Variants in CACNB2 observed in about 807,000 individuals in gnomAD.
The protein encoded by CACNB2 is voltage-dependent L-type calcium channel subunit beta-2.
Under a neutral mutation model 73.3 loss-of-function variants are expected in CACNB2, and 42 were observed. That is an observed-to-expected ratio of 0.57 (90% CI 0.45 to 0.74). The LOEUF (loss-of-function observed/expected upper bound fraction) is 0.74. CACNB2 is among the 30% of genes least tolerant of loss of function. The pLI is 0.00. For synonymous variants in CACNB2, 348 were observed against 310.3 expected, an observed-to-expected ratio of 1.12 and a Z score of -1.28; for missense variants, 940 against 853.0, an observed-to-expected ratio of 1.10 and a Z score of -1.27.
intron 2 of CACNB2, among the ~76,000 whole-genome samples, chr10:18,377,327 G>A (rs1214581766): frequency 3.9e-5 from 6 of 152,180 alleles, no homozygotes. Context: ...ACCAATATGT[G>A]TATTGACATC....
At chr10:18,265,581 A>G (rs1469813950) in intron 2 of CACNB2, among the ~76,000 whole-genome samples, 2 of 152,202 alleles carry the variant, frequency 1.3e-5, no homozygotes, top group South Asian at 4.1e-4. Context: ...TTAAAGACAA[A>G]TGTTACTGAC....
chr10:18,494,631 C>CAA lies in CACNB2; in HGVS notation c.334-3707_334-3706dup, dbSNP rs909672661. ...TGGGTGACAGAGTGAGACTCCGTCT[C>CAA]AAAAAAAAAAAAAAAAAAGAAAAGA... On this transcript the variant is annotated intron_variant, in intron 3 of 13. Coordinates refer to ENST00000324631, the MANE Select transcript of CACNB2 (RefSeq NM_201596.3). Among the ~76,000 whole-genome samples the CAA allele has an allele frequency of 1.2e-3, 71 of 61,724 alleles. 3 individuals carry two copies. The highest frequency in any genetic ancestry group is 6.8e-3 in the East Asian group (14 of 2,064). The allele number at this position is 61,724 out of a possible 152,430, so 40.5% of individuals were successfully genotyped here.
chr10:18,318,545 C>G (rs2040278847), intron 2 of CACNB2, among the ~76,000 whole-genome samples: 1 of 152,082 alleles, frequency 6.6e-6, no homozygotes, highest in Non-Finnish European at 1.5e-5. Context: ...TATGTATGGG[C>G]AAAGACTTTA....
At chr10:18,269,700 T>G (rs970423573) in intron 2 of CACNB2, among the ~76,000 whole-genome samples, 16 of 152,238 alleles carry the variant, frequency 1.1e-4, no homozygotes, top group African/African-American at 3.9e-4. Flanking sequence ...CTCCAGGCAC[T>G]GTAAACATGG....
chr10:18,400,951 T>C (rs1351958823), intron 2 of CACNB2: 29 of 1,606,846 alleles, frequency 1.8e-5, no homozygotes, highest in Non-Finnish European at 2.4e-5. Flanking sequence ...GGAAAGGAGC[T>C]GGGGTTCTCC....
chr10:18,469,112 G>A (rs1050757389), intron 3 of CACNB2, among the ~76,000 whole-genome samples: 12 of 152,126 alleles, frequency 7.9e-5, no homozygotes, highest in African/African-American at 2.2e-4. Context: ...AATCAGCCAT[G>A]CATGGTGGTC....
intron 2 of CACNB2, among the ~76,000 whole-genome samples, chr10:18,340,192 G>A (rs1228114654): frequency 6.6e-6 from 1 of 152,038 alleles, no homozygotes; most frequent in Non-Finnish European, 1.5e-5. Flanking sequence ...TGTGTGTGTT[G>A]CAAGCATGCT....
At chr10:18,531,289 G>T (rs1457205619) in intron 10 of CACNB2, among the ~76,000 whole-genome samples, 1 of 151,992 alleles carries the variant, frequency 6.6e-6, no homozygotes, top group Non-Finnish European at 1.5e-5. Flanking sequence ...CTATCACCCA[G>T]GTATTAAGAC....
intron 2 of CACNB2, among the ~76,000 whole-genome samples, chr10:18,397,983 A>G (rs975031945): frequency 6.6e-6 from 1 of 152,188 alleles, no homozygotes; most frequent in African/African-American, 2.4e-5. Flanking sequence ...TGACAAGGAC[A>G]AATACTGCAA....
At chr10:18,505,263 C>A (rs2050427152) in intron 5 of CACNB2, among the ~76,000 whole-genome samples, 1 of 150,822 alleles carries the variant, frequency 6.6e-6, no homozygotes, top group Non-Finnish European at 1.5e-5. Flanking sequence ...AAAAAAACTT[C>A]TGGGGAAAAA....
At chr10:18,378,111 T>C (rs2132342115) in intron 2 of CACNB2, among the ~76,000 whole-genome samples, 1 of 152,228 alleles carries the variant, frequency 6.6e-6, no homozygotes, top group East Asian at 1.9e-4. Context: ...GGTGTGGGCC[T>C]GGAGGCTAGG....
rs536574925 is a variant in CACNB2 at position 18,255,134 on chromosome 10, T to C, written c.213+104159T>C. Among the ~76,000 whole-genome samples, 9 of 152,344 alleles carry C rather than the reference T, an allele frequency of 5.9e-5. No individual in the cohort carries two copies. The South Asian group carries it at 1.2e-3, about 21-fold the overall frequency. On this transcript the variant is annotated intron_variant, in intron 2 of 13. Coordinates refer to ENST00000324631, the MANE Select transcript of CACNB2 (RefSeq NM_201596.3). ...AATGGCACAAATCTGATCATGCCTC[T>C]TGTGGGAAAGAAATCCCACTGCTCT...
chr10:18,336,546 G>T (rs1361202127), intron 2 of CACNB2, among the ~76,000 whole-genome samples: 2 of 152,086 alleles, frequency 1.3e-5, no homozygotes, highest in East Asian at 3.9e-4. Context: ...TTGAACCTGG[G>T]AGGCGGAGGC....
At chr10:18,159,561 C>T (rs2032308005) in intron 2 of CACNB2, among the ~76,000 whole-genome samples, 1 of 152,174 alleles carries the variant, frequency 6.6e-6, no homozygotes, top group Non-Finnish European at 1.5e-5. Context: ...TTGCATGACA[C>T]TTTCAGAACA....
chr10:18,281,726 T>A (rs1219502745), intron 2 of CACNB2, among the ~76,000 whole-genome samples: 1 of 151,970 alleles, frequency 6.6e-6, no homozygotes, highest in Non-Finnish European at 1.5e-5. Context: ...AAAGGAACAT[T>A]ATAGCACTTT....
rs1430391519 is a variant in CACNB2, at chr10:18,259,570, A to ACAAAAC, written c.213+108595_213+108596insCAAAAC. 5.3e-4 allele frequency among the ~76,000 whole-genome samples: 62 copies of ACAAAAC among 116,988 alleles called. 1 individual carries two copies. The highest frequency in any genetic ancestry group is 2.0e-3 in the African/African-American group (59 of 29,926). The allele number at this position is 116,988 out of a possible 152,430, so 76.7% of individuals were successfully genotyped here. A position where few individuals can be genotyped will look rare whatever the true frequency, so the allele number is the denominator to read the frequency against. On this transcript the variant is annotated intron_variant, in intron 2 of 13. Coordinates refer to ENST00000324631, the MANE Select transcript of CACNB2 (RefSeq NM_201596.3). The stretch of plus-strand genomic sequence containing the variant: ...AAAAAAAACAAAAAACAAACAAAAA[A>ACAAAAC]AAAAAGTAAAAGTAGCCAGGCATGG...
intron 2 of CACNB2, among the ~76,000 whole-genome samples, chr10:18,202,206 T>G (rs1310810160): frequency 6.6e-6 from 1 of 151,942 alleles, no homozygotes; most frequent in Non-Finnish European, 1.5e-5. Context: ...CAAAAAGAGG[T>G]GAATTTGGAA....
chr10:18,405,747 C>T (rs1564513428), intron 3 of CACNB2, among the ~76,000 whole-genome samples: 1 of 152,074 alleles, frequency 6.6e-6, no homozygotes, highest in Non-Finnish European at 1.5e-5. Flanking sequence ...CACCTGAGGT[C>T]AGGAGTTTGA....
intron 2 of CACNB2, among the ~76,000 whole-genome samples, chr10:18,280,800 TATGTATTG>T (rs951265015): frequency 1.3e-5 from 2 of 152,212 alleles, no homozygotes; most frequent in Non-Finnish European, 2.9e-5. Flanking sequence ...CTATTCTCTT[TATGTATTG>T]ATGTATTGAT....
Sources: gnomAD v4.1 joint callset for allele counts (sites outside exome capture counted in the v4.1 genomes callset) on GRCh38, gnomAD v4.1.1 for gene constraint, MANE v1.5 for transcripts, NCBI Gene and HGNC (gene_info 2026-07-23, HGNC 2026-07-21) for gene names.